The following LRCH1 variants were observed in gnomAD, a reference collection of about 807,000 sequenced individuals.
The protein encoded by LRCH1 is leucine-rich repeat and calponin homology domain-containing protein 1.
A neutral mutation model predicts 94.9 loss-of-function variants in LRCH1; 23 were observed. That is an observed-to-expected ratio of 0.24 (90% CI 0.17 to 0.34). The LOEUF is 0.34. Among genes scored for constraint, LRCH1 ranks in the 10% least tolerant of loss-of-function variants. The pLI is 1.00. For missense variants in LRCH1, 790 were observed against 945.9 expected, an observed-to-expected ratio of 0.84 and a Z score of 2.16; for synonymous variants, 364 against 354.9, an observed-to-expected ratio of 1.03 and a Z score of -0.29.
intron 1 of LRCH1, among the ~76,000 whole-genome samples, chr13:46,636,362 G>A (rs1235803410): frequency 1.4e-4 from 22 of 152,138 alleles, no homozygotes. Context: ...ATGAGCCACT[G>A]CGCCTGGCCC....
chr13:46,600,267 A>T (rs867260005), intron 1 of LRCH1, among the ~76,000 whole-genome samples: 21 of 152,174 alleles, frequency 1.4e-4, no homozygotes, highest in African/African-American at 4.8e-4. Flanking sequence ...CCTGTCTTTC[A>T]GAGTCTGGTG....
chr13:46,685,982 A>T lies in LRCH1; in HGVS notation c.763A>T (p.Met255Leu). The T allele has an allele frequency of 6.2e-7, 1 of 1,611,064 alleles. No individual in the cohort carries two copies. Among genetic ancestry groups the T allele is most frequent in the Non-Finnish European group, 8.5e-7 (1 of 1,179,008 alleles). Reference sequence around the variant, plus strand: ...CGTGATTCCAATTTGTTTTAGAGAGATGAAGCAGCTGCAAGTGTTACTACT... The same window carrying T: ...CGTGATTCCAATTTGTTTTAGAGAGTTGAAGCAGCTGCAAGTGTTACTACT... ...VLVIPICFRE[M>L]KQLQVLLLEN... Residue 255 changes from methionine (M) to leucine (L), a missense_variant, in exon 5 of 20, where the codon ATG becomes TTG. Met to Leu is a conservative substitution (Grantham distance 15). Coordinates refer to ENST00000389797, the MANE Select transcript of LRCH1 (RefSeq NM_001164211.2).
chr13:46,711,904 C>A, intron 14 of LRCH1, 60 bp downstream of exon 14: 1 of 1,242,208 alleles, frequency 8.1e-7, no homozygotes, highest in Non-Finnish European at 1.2e-6. Context: ...ATTGGAATAT[C>A]TTTTACAGAA....
At chr13:46,656,112 G>T (rs80236933) in intron 2 of LRCH1, among the ~76,000 whole-genome samples, 2 of 152,190 alleles carry the variant, frequency 1.3e-5, no homozygotes, top group Admixed American at 1.3e-4. Flanking sequence ...CCTATAACCC[G>T]TATCCCCACA....
At chr13:46,690,400 T>C (rs1870835422) in intron 7 of LRCH1, among the ~76,000 whole-genome samples, 1 of 152,190 alleles carries the variant, frequency 6.6e-6, no homozygotes, top group Non-Finnish European at 1.5e-5. Flanking sequence ...AATGGACCAT[T>C]GTTTCAGAAA....
At chr13:46,585,042 G>A (rs2050415343) in intron 1 of LRCH1, among the ~76,000 whole-genome samples, 2 of 152,206 alleles carry the variant, frequency 1.3e-5, no homozygotes, top group South Asian at 2.1e-4. Flanking sequence ...GGAAATTTAT[G>A]GGGGTAATAG....
At chr13:46,751,481 T>C (rs1337493655) in exon 19 of LRCH1, 1 of 151,574 alleles carries the variant, frequency 6.6e-6, no homozygotes, top group Non-Finnish European at 1.5e-5. Flanking sequence ...CTGACTAAAA[T>C]CAAGAGAGCA....
At chr13:46,642,489 A>T (rs529922706) in intron 1 of LRCH1, among the ~76,000 whole-genome samples, 75 of 152,296 alleles carry the variant, frequency 4.9e-4, no homozygotes, top group African/African-American at 1.7e-3. Flanking sequence ...TGTGATGAGG[A>T]TTACGTGAGG....
intron 16 of LRCH1, among the ~76,000 whole-genome samples, chr13:46,715,965 G>A (rs1020250453): frequency 1.3e-5 from 2 of 151,692 alleles, no homozygotes; most frequent in Non-Finnish European, 2.9e-5. Context: ...CAAATATTTG[G>A]GGTTTGCACA....
chr13:46,579,605 A>C (rs1406339770), intron 1 of LRCH1, among the ~76,000 whole-genome samples: 2 of 152,184 alleles, frequency 1.3e-5, no homozygotes, highest in African/African-American at 4.8e-5. Context: ...TCAATCTGAT[A>C]ATATGAATAA....
chr13:46,750,582 C>A (rs1412271141), exon 19 of LRCH1: 29 of 1,551,956 alleles, frequency 1.9e-5, no homozygotes, highest in Non-Finnish European at 2.5e-5. Context: ...AGAAAAAGGC[C>A]TGGTCAAAGT....
In LRCH1 at chr13:46,646,973, C is replaced by T. The variant is rs574094181; in HGVS notation, c.308-3228C>T. 4.4e-3 allele frequency among the ~76,000 whole-genome samples: 662 copies of T among 152,014 alleles called. 5 individuals are homozygous for T. The highest frequency in any genetic ancestry group is 0.015 in the African/African-American group (619 of 41,464). ...ACTAAAAATACAAAAATTAGCTGGA[C>T]GTGGTGGTGCATGCCTGTAGTCCCA... On this transcript the variant is annotated intron_variant, in intron 1 of 19. Transcript: ENST00000389797.
At chr13:46,587,324 T>A (rs1462629286) in intron 1 of LRCH1, among the ~76,000 whole-genome samples, 2 of 152,208 alleles carry the variant, frequency 1.3e-5, no homozygotes, top group Non-Finnish European at 2.9e-5. Context: ...CCTGATAAGT[T>A]GCATTACAAA....
chr13:46,735,787 T>C (rs1225974959), intron 19 of LRCH1, among the ~76,000 whole-genome samples: 1 of 103,710 alleles, frequency 9.6e-6, no homozygotes, highest in African/African-American at 3.4e-5. Flanking sequence ...TTTTTCTTTT[T>C]CTTTTCTTTT....
rs769368963 is a variant in LRCH1 at position 46,695,049 on chromosome 13, ACTTATTTC to A, written c.1245+36_1245+43del. 1.1e-5 allele frequency: 17 copies of A among 1,610,234 alleles called. No individual in the cohort carries two copies. In the African/African-American group the frequency reaches 1.7e-4, roughly 17 times the overall value. The stretch of plus-strand genomic sequence containing the variant: ...TTTTCAGGATCAACTACGTTTTTTT[ACTTATTTC>A]CTTCTGTTTGGCACCGTACAATTTA... On this transcript the variant is annotated intron_variant, in intron 9 of 19. Transcript: ENST00000389797.
intron 19 of LRCH1, among the ~76,000 whole-genome samples, chr13:46,736,498 G>A (rs1356715492): frequency 1.3e-5 from 2 of 151,964 alleles, no homozygotes; most frequent in Non-Finnish European, 2.9e-5. Flanking sequence ...GTGTATGTGT[G>A]GCACAGTACA....
rs546005564 is a variant in LRCH1, at chr13:46,683,901, C to A, written c.686-2004C>A. Among the ~76,000 whole-genome samples, 27 of 152,138 alleles carry A rather than the reference C, an allele frequency of 1.8e-4. No individual in the cohort carries two copies. In the South Asian group the frequency reaches 4.6e-3, roughly 26 times the overall value. On this transcript the variant is annotated intron_variant, in intron 4 of 19. Transcript: ENST00000389797. The stretch of plus-strand genomic sequence containing the variant: ...ATATCAAGTTCCTTTTTGCTTCCCT[C>A]TGGAGAACTCTATTGACAAAAGACC...
In LRCH1 at chr13:46,647,378, G is replaced by T. The variant is rs191464930; in HGVS notation, c.308-2823G>T. The stretch of plus-strand genomic sequence containing the variant: ...GTGTCACTCTAATTTGAGTGTGGTT[G>T]ATCCTTTTTTTCATATGATTAAGAG... On this transcript the variant is annotated intron_variant, in intron 1 of 19. Coordinates refer to ENST00000389797, the MANE Select transcript of LRCH1 (RefSeq NM_001164211.2). Among the ~76,000 whole-genome samples the T allele has an allele frequency of 1.6e-3, 246 of 152,090 alleles. 1 individual carries two copies. Among genetic ancestry groups the T allele is most frequent in the Non-Finnish European group, 2.7e-3 (185 of 67,982 alleles).
intron 1 of LRCH1, among the ~76,000 whole-genome samples, chr13:46,572,364 C>T (rs1002806309): frequency 2.6e-5 from 4 of 152,212 alleles, no homozygotes; most frequent in Admixed American, 1.3e-4. Context: ...TACTGCAACA[C>T]TACTTTAAGC....
Sources: gnomAD v4.1 joint callset for allele counts (sites outside exome capture counted in the v4.1 genomes callset) on GRCh38, gnomAD v4.1.1 for gene constraint, MANE v1.5 for transcripts, NCBI Gene and HGNC (gene_info 2026-07-23, HGNC 2026-07-21) for gene names.